The following DLEC1 variants were observed in gnomAD, a reference collection of about 807,000 sequenced individuals.
DLEC1 encodes the protein DLEC1 cilia and flagella associated protein.
DLEC1 carries 146 observed loss-of-function variants against 198.1 expected under a neutral mutation model. The observed-to-expected ratio is 0.74, with a 90% CI of 0.64 to 0.85. DLEC1 has a LOEUF of 0.85. Ranked by LOEUF, DLEC1 falls within the 40% of genes least tolerant of loss-of-function variation. The pLI is 0.00. For missense variants in DLEC1, 2,233 were observed against 2,220.0 expected (o/e 1.01, Z -0.12); for synonymous variants, 897 against 866.8 (o/e 1.03, Z -0.61).
At chr3:38,056,116 C>CACACACAA (rs1447856110) in intron 2 of DLEC1, among the ~76,000 whole-genome samples, 21 of 110,894 alleles carry the variant, frequency 1.9e-4, no homozygotes, top group African/African-American at 7.1e-4. Flanking sequence ...CACACACACA[C>CACACACAA]AAATAGCTGA....
intron 11 of DLEC1, 92 bp from the exon 12 acceptor site, chr3:38,093,513 G>T: frequency 6.8e-7 from 1 of 1,470,990 alleles, no homozygotes; most frequent in South Asian, 1.2e-5. Context: ...AAGGCCAGCT[G>T]CATGTGGATG....
Position 38,092,787 on chromosome 3 carries a change from C to G in DLEC1, c.1666-3C>G, listed in dbSNP as rs200998079. 1.2e-3 allele frequency: 1,984 copies of G among 1,613,980 alleles called. 5 individuals are homozygous for G. Among genetic ancestry groups the G allele is most frequent in the Non-Finnish European group, 1.5e-3 (1,817 of 1,179,914 alleles). On this transcript the variant is annotated splice_region_variant and splice_polypyrimidine_tract_variant and intron_variant, in intron 10 of 36. Coordinates refer to ENST00000308059, the MANE Select transcript of DLEC1 (RefSeq NM_007335.4). ...GTAACGGAACAACCCTTCTCTCCCC[C>G]AGGTCTTGTTTTCCCCAAAGAGCCT...
chr3:38,077,763 T>G (rs550310457), intron 6 of DLEC1, among the ~76,000 whole-genome samples: 49 of 152,274 alleles, frequency 3.2e-4, no homozygotes, highest in African/African-American at 1.1e-3. Flanking sequence ...GTTATCTGAC[T>G]CAGGGCATGT....
chr3:38,110,771 GACACACAC>G (rs139450212), intron 23 of DLEC1, among the ~76,000 whole-genome samples: 2 of 149,604 alleles, frequency 1.3e-5, no homozygotes, highest in African/African-American at 4.9e-5. Context: ...TGCTTACACA[GACACACAC>G]ACACACACAC....
chr3:38,115,765 A>C (rs1359493425), intron 27 of DLEC1, among the ~76,000 whole-genome samples: 1 of 152,028 alleles, frequency 6.6e-6, no homozygotes, highest in Admixed American at 6.6e-5. Flanking sequence ...AGGTGGGGCT[A>C]CCGGCTGGGT....
At position 38,039,468 on chromosome 3, in the gene DLEC1, T is replaced by C. The variant is rs1700547356; in HGVS notation, c.243T>C (p.Arg81=). ...LAQRPEPQLL[R]LRPSSLRTQD... ...AGCGTCCCGAGCCTCAGCTGCTTCG[T>C]CTGCGCCCCTCCTCGCTGCGCACCC... The change falls in exon 1 of 37, where the codon CGT becomes CGC. Residue 81 remains arginine (R), a synonymous_variant. Transcript: ENST00000308059. The C allele has an allele frequency of 6.2e-7, 1 of 1,614,050 alleles. No individual in the cohort carries two copies. The highest frequency in any genetic ancestry group is 8.5e-7 in the Non-Finnish European group (1 of 1,179,882).
At chr3:38,053,600 C>CGCT (rs1701257578) in intron 2 of DLEC1, among the ~76,000 whole-genome samples, 2 of 137,642 alleles carry the variant, frequency 1.5e-5, no homozygotes, top group Admixed American at 7.1e-5. Flanking sequence ...CCCGGCCAGC[C>CGCT]GCCCCATCCG....
chr3:38,075,949 T>C (rs1033683735), intron 6 of DLEC1, among the ~76,000 whole-genome samples: 1 of 152,142 alleles, frequency 6.6e-6, no homozygotes, highest in Non-Finnish European at 1.5e-5. Flanking sequence ...GCAGGTGTCC[T>C]TGTGTGGTCT....
At position 38,117,868 on chromosome 3, in the gene DLEC1, C is replaced by T; in HGVS notation, c.4548C>T (p.His1516=). 6.2e-7 allele frequency: 1 copy of T among 1,614,208 alleles called. No homozygotes were observed. Among genetic ancestry groups the T allele is most frequent in the Non-Finnish European group, 8.5e-7 (1 of 1,180,034 alleles). Residue 1516 remains histidine, a synonymous_variant, in exon 33 of 37, where the codon CAC becomes CAT. Transcript: ENST00000308059. The part of the protein sequence containing the change: ...LKLTNTTEIP[H]YFRLMVSRPF... ...TGACCAACACTACAGAGATCCCACACTACTTCCGGCTTATGGTCTCCAGGC... is the reference window on the plus strand; with the variant it reads ...TGACCAACACTACAGAGATCCCACATTACTTCCGGCTTATGGTCTCCAGGC...
chr3:38,097,236 T>C lies in DLEC1; in HGVS notation c.2395T>C (p.Cys799Arg), dbSNP rs1468103779. Residue 799 changes from cysteine (C) to arginine (R), a missense_variant, in exon 16 of 37, where the codon TGC becomes CGC. Transcript: ENST00000308059. ...ATACCTGTGGGGGAAGATCAGCGAC[T>C]GCCACATCATTGAAGTGGAGCCCGG... ...IRYLWGKISD[C>R]HIIEVEPGTG... The C allele has an allele frequency of 3.8e-6, 6 of 1,587,322 alleles. No individual in the cohort carries two copies. Among genetic ancestry groups the C allele is most frequent in the Non-Finnish European group, 4.3e-6 (5 of 1,165,522 alleles).
chr3:38,090,600 C>G (rs1698693452), intron 10 of DLEC1, among the ~76,000 whole-genome samples: 1 of 152,192 alleles, frequency 6.6e-6, no homozygotes, highest in Admixed American at 6.5e-5. Flanking sequence ...ATCACTCTGT[C>G]CAAGGATGAG....
chr3:38,080,802 CTTTTT>C (rs76282097), intron 6 of DLEC1, among the ~76,000 whole-genome samples: 1 of 112,798 alleles, frequency 8.9e-6, no homozygotes, highest in South Asian at 3.2e-4. Flanking sequence ...TTCGGGTGTT[CTTTTT>C]TTTTTTTTTT....
At chr3:38,078,025 C>T (rs533740511) in intron 6 of DLEC1, among the ~76,000 whole-genome samples, 23 of 152,082 alleles carry the variant, frequency 1.5e-4, no homozygotes, top group African/African-American at 4.6e-4. Context: ...GAACTGCCAT[C>T]AATAAATCAA....
chr3:38,047,413 C>T (rs1378719461), intron 2 of DLEC1, among the ~76,000 whole-genome samples: 1 of 151,994 alleles, frequency 6.6e-6, no homozygotes, highest in Non-Finnish European at 1.5e-5. Context: ...AAAAAAGTCA[C>T]AGAACAATGT....
intron 7 of DLEC1, among the ~76,000 whole-genome samples, chr3:38,084,557 A>AGTGGTG (rs1559430847): frequency 1.1e-4 from 1 of 9,258 alleles, no homozygotes; most frequent in Admixed American, 9.3e-4. Flanking sequence ...TAGTGGTAGT[A>AGTGGTG]GTAGTGGTAG....
chr3:38,090,738 A>G (rs905462112), intron 10 of DLEC1, among the ~76,000 whole-genome samples: 1 of 152,250 alleles, frequency 6.6e-6, no homozygotes, highest in Non-Finnish European at 1.5e-5. Flanking sequence ...CAACAGCAGT[A>G]TGTAAGGGTG....
Position 38,054,740 on chromosome 3 carries a change from G to T in DLEC1, c.563-5002G>T, listed in dbSNP as rs931107082. Among the ~76,000 whole-genome samples, 6 of 152,302 alleles carry T rather than the reference G, an allele frequency of 3.9e-5. No individual in the cohort carries two copies. The South Asian group carries it at 8.3e-4, about 21-fold the overall frequency. ...AACTTAGTGAGAACATGCATGGTGG[G>T]TGGCTGCTCCCAGCACACCCAGGTC... On this transcript the variant is annotated intron_variant, in intron 2 of 36. Coordinates refer to ENST00000308059, the MANE Select transcript of DLEC1 (RefSeq NM_007335.4).
Position 38,084,170 on chromosome 3 carries a change from C to G in DLEC1, c.1186C>G (p.Leu396Val). Residue 396 changes from leucine (L) to valine (V), a missense_variant, in exon 7 of 37, where the codon CTG becomes GTG. By Grantham distance (32) the Leu-to-Val change is conservative. Coordinates refer to ENST00000308059, the MANE Select transcript of DLEC1 (RefSeq NM_007335.4). ...IGPVYEMVIA[L>V]QNTTTTSRYL... ...TACCTTTCAACAGATGGTAATTGCGCTGCAGAACACCACCACGACCAGCCG... is the reference window on the plus strand; with the variant it reads ...TACCTTTCAACAGATGGTAATTGCGGTGCAGAACACCACCACGACCAGCCG... The G allele has an allele frequency of 6.2e-7, 1 of 1,613,092 alleles. No individual in the cohort carries two copies. Among genetic ancestry groups the G allele is most frequent in the East Asian group, 2.2e-5 (1 of 44,856 alleles).
chr3:38,045,789 A>G, intron 2 of DLEC1, 96 bp downstream of exon 2: 2 of 1,285,882 alleles, frequency 1.6e-6, no homozygotes, highest in Non-Finnish European at 2.1e-6. Flanking sequence ...CTTTTTCTGG[A>G]TATTTGGAGA....
Sources: allele counts gnomAD v4.1 joint callset (sites outside exome capture counted in the v4.1 genomes callset), GRCh38; gene constraint gnomAD v4.1.1; transcripts MANE v1.5; gene names NCBI Gene and HGNC (gene_info 2026-07-23, HGNC 2026-07-21).